The following SETD6 variants were observed in gnomAD, a reference collection of about 807,000 sequenced individuals.
SETD6 encodes the protein SET domain containing 6, protein lysine methyltransferase, also known as N-lysine methyltransferase SETD6.
SETD6 carries 67 observed loss-of-function variants against 52.7 expected under a neutral mutation model. That is an observed-to-expected ratio of 1.27 (90% CI 1.04 to 1.56). The LOEUF is 1.56. Ranked by LOEUF, SETD6 falls within the 40% of genes most tolerant of loss-of-function variation. The pLI is 0.00. For missense variants in SETD6, 712 were observed against 607.5 expected (o/e 1.17, Z -1.81); for synonymous variants, 307 against 250.2 (o/e 1.23, Z -2.14).
At chr16:58,517,905 T>TAACA in intron 5 of SETD6, 146 bp from the exon 6 acceptor site, 1 of 960,092 alleles carries the variant, frequency 1.0e-6, no homozygotes, top group Non-Finnish European at 1.6e-6. Flanking sequence ...GTTTAGGGTC[T>TAACA]AACAGGAACT....
In SETD6 at chr16:58,522,237, C is replaced by CAAAAAAAAAAAA. The variant is rs56149974; in HGVS notation, c.*3227_*3238dup. ...AGGAGGCGACAAAGCGAGACTGTCT[C>CAAAAAAAAAAAA]AAAAAAAAAAAAAAAAAAAAAAAAA... is the stretch of plus-strand genomic sequence containing the variant. On this transcript the variant is annotated 3_prime_UTR_variant, in exon 8 of 8. Transcript: ENST00000219315. Among the ~76,000 whole-genome samples, 4 of 98,592 alleles carry CAAAAAAAAAAAA rather than the reference C, an allele frequency of 4.1e-5. No homozygotes were observed. The highest frequency in any genetic ancestry group is 1.3e-4 in the African/African-American group (3 of 23,636). The allele number at this position is 98,592 out of a possible 152,430, so 64.7% of individuals were successfully genotyped here.
chr16:58,516,310 C>A lies in SETD6; in HGVS notation c.443C>A (p.Pro148His), dbSNP rs1257302692. Reference protein sequence around the residue: ...SRWRPYFALWPELGRLEHPMF... With the variant: ...SRWRPYFALWHELGRLEHPMF... ...TGGAGGCCCTACTTTGCGCTCTGGC[C>A]CGAGCTGGGCCGCTTGGAGCACCCG... The change falls in exon 3 of 8, where the codon CCC becomes CAC. Residue 148 changes from proline (P) to histidine (H), a missense_variant. Coordinates refer to ENST00000219315, the MANE Select transcript of SETD6 (RefSeq NM_001160305.4). 1 of 1,606,896 alleles carries A rather than the reference C, an allele frequency of 6.2e-7. No individual in the cohort carries two copies. The highest frequency in any genetic ancestry group is 1.7e-5 in the Admixed American group (1 of 59,990).
At position 58,519,367 on chromosome 16, in the gene SETD6, TTAAATC is replaced by T. The variant is rs2039282080; in HGVS notation, c.*342_*347del. The T allele has an allele frequency of 4.4e-6, 1 of 226,988 alleles. No individual in the cohort carries two copies. Among genetic ancestry groups the T allele is most frequent in the Non-Finnish European group, 8.8e-6 (1 of 114,172 alleles). 14.1% of individuals were successfully genotyped at this position (226,988 alleles called of 1,614,324 possible). A position where few individuals can be genotyped will look rare whatever the true frequency, so the allele number is the denominator to read the frequency against. ...TAGACTTTGGAGGTAGACCCCTGGT[TTAAATC>T]TAAGTCTAGTTTGAGGAAGTCACTT... On this transcript the variant is annotated 3_prime_UTR_variant, in exon 8 of 8. Coordinates refer to ENST00000219315, the MANE Select transcript of SETD6 (RefSeq NM_001160305.4).
Position 58,519,025 on chromosome 16 carries a change from G to A in SETD6, c.1418G>A (p.Ser473Asn). ...TTACATCAGTTGTTGGAGCTGACAA[G>A]TTAGCAGTTTCCCTGTTCCCTGAAG... ...MILHQLLELT[S>N] Residue 473 changes from serine (S) to asparagine (N), a missense_variant, in exon 8 of 8, where the codon AGT becomes AAT. By Grantham distance (46) the Ser-to-Asn change is conservative. Transcript: ENST00000219315. 6.2e-7 allele frequency: 1 copy of A among 1,607,284 alleles called. No homozygotes were observed. Among genetic ancestry groups the A allele is most frequent in the Non-Finnish European group, 8.5e-7 (1 of 1,175,894 alleles).
chr16:58,520,934 C>G lies in SETD6; in HGVS notation c.*1905C>G, dbSNP rs780113516. The stretch of plus-strand genomic sequence containing the variant: ...GTGCAGTGAGACCTCTAGACTGACA[C>G]GTACAACAGAGATGCAGTTTCGTCT... On this transcript the variant is annotated 3_prime_UTR_variant, in exon 8 of 8. Transcript: ENST00000219315. The G allele has an allele frequency of 1.1e-5, 18 of 1,608,826 alleles. No individual in the cohort carries two copies. Among genetic ancestry groups the G allele is most frequent in the South Asian group, 7.7e-5 (7 of 91,048 alleles).
In SETD6 at chr16:58,519,318, T is replaced by G. The variant is rs867063665; in HGVS notation, c.*289T>G. Reference sequence around the variant, plus strand: ...GACATACGGTAGTAATAAGTAAGTCTTGTTGTGTTTCAGCATTTAATAATA... The same window carrying G: ...GACATACGGTAGTAATAAGTAAGTCGTGTTGTGTTTCAGCATTTAATAATA... On this transcript the variant is annotated 3_prime_UTR_variant, in exon 8 of 8. Coordinates refer to ENST00000219315, the MANE Select transcript of SETD6 (RefSeq NM_001160305.4). The G allele has an allele frequency of 6.3e-6, 2 of 318,966 alleles. No homozygotes were observed. The highest frequency in any genetic ancestry group is 4.2e-5 in the African/African-American group (2 of 47,096). 19.8% of individuals were successfully genotyped at this position (318,966 alleles called of 1,614,324 possible). A position where few individuals can be genotyped will look rare whatever the true frequency, so the allele number is the denominator to read the frequency against.
rs780870906 is a variant in SETD6 at position 58,518,244 on chromosome 16, T to TTAAC, written c.973+15_973+18dup. ...GCAGCATTACAGGGTGAGTGTATCA[T>TTAAC]TAACTCAATATTTGACACTGATGGT... On this transcript the variant is annotated intron_variant, in intron 6 of 7. Transcript: ENST00000219315. The TTAAC allele has an allele frequency of 5.6e-6, 9 of 1,614,140 alleles. No individual in the cohort carries two copies. In the African/African-American group the frequency reaches 1.2e-4, roughly 22 times the overall value.
At chr16:58,517,975 C>T (rs764401249) in intron 5 of SETD6, 76 bp from the exon 6 acceptor site, 1 of 1,581,722 alleles carries the variant, frequency 6.3e-7, no homozygotes, top group Admixed American at 1.7e-5. Context: ...CTGCTGAAGG[C>T]TCTTCTTAAG....
In SETD6 at chr16:58,520,811, G is replaced by T; in HGVS notation, c.*1782G>T. ...TGGAACGTGCCCACATAAGACAGGA[G>T]GCTGATCCCAACAGTAGTTGGGGCA... On this transcript the variant is annotated 3_prime_UTR_variant, in exon 8 of 8. Transcript: ENST00000219315. 1 of 787,690 alleles carries T rather than the reference G, an allele frequency of 1.3e-6. No homozygotes were observed. The highest frequency in any genetic ancestry group is 2.6e-5 in the East Asian group (1 of 38,778). The allele number at this position is 787,690 out of a possible 1,614,324, so 48.8% of individuals were successfully genotyped here. A position where few individuals can be genotyped will look rare whatever the true frequency, so the allele number is the denominator to read the frequency against.
chr16:58,516,687 C>T lies in SETD6; in HGVS notation c.671+15C>T, dbSNP rs532059628. On this transcript the variant is annotated intron_variant, in intron 4 of 7. Coordinates refer to ENST00000219315, the MANE Select transcript of SETD6 (RefSeq NM_001160305.4). ...ATGGCCTATAGGTCAGTGGGTGGGG[C>T]CTCTGAGGACGGAACCCTTTTCTTT... 1.9e-6 allele frequency: 3 copies of T among 1,610,736 alleles called. No individual in the cohort carries two copies. Among genetic ancestry groups the T allele is most frequent in the East Asian group, 4.5e-5 (2 of 44,824 alleles).
chr16:58,516,723 AGAG>A, intron 4 of SETD6, 51 bp downstream of exon 4: 7 of 1,610,024 alleles, frequency 4.3e-6, no homozygotes, highest in Non-Finnish European at 5.9e-6. Context: ...ACAACTCTAT[AGAG>A]GGACAAAAGT....
chr16:58,518,288 C>T, intron 6 of SETD6, 57 bp downstream of exon 6: 1 of 1,607,410 alleles, frequency 6.2e-7, no homozygotes, highest in African/African-American at 1.3e-5. Flanking sequence ...ACCCATGCCT[C>T]AGGTTAAATA....
Position 58,518,401 on chromosome 16 carries a change from G to C in SETD6, c.974G>C (p.Gly325Ala), listed in dbSNP as rs1243954901. The change falls in exon 7 of 8, where the codon GGA becomes GCA. Residue 325 changes from glycine to alanine, a missense_variant and splice_region_variant. Coordinates refer to ENST00000219315, the MANE Select transcript of SETD6 (RefSeq NM_001160305.4). ...MVTVREAALQ[G>A]TKTEAERHLV... Reference sequence around the variant, plus strand: ...TTTCACATTGCTGTTTCATCTACAGGAACAAAAACTGAAGCTGAAAGGCAC... The same window carrying C: ...TTTCACATTGCTGTTTCATCTACAGCAACAAAAACTGAAGCTGAAAGGCAC... 6.3e-7 allele frequency: 1 copy of C among 1,580,142 alleles called. No individual in the cohort carries two copies. Among genetic ancestry groups the C allele is most frequent in the Non-Finnish European group, 8.6e-7 (1 of 1,168,978 alleles).
In SETD6 at chr16:58,518,430, G is replaced by C; in HGVS notation, c.1003G>C (p.Val335Leu). The change falls in exon 7 of 8, where the codon GTG becomes CTG. Residue 335 changes from valine (V) to leucine (L), a missense_variant. Val to Leu is a conservative substitution (Grantham distance 32). Coordinates refer to ENST00000219315, the MANE Select transcript of SETD6 (RefSeq NM_001160305.4). ...AAAAACTGAAGCTGAAAGGCACCTA[G>C]TGTACGAGCGCTGGGATTTCCTATG... ...GTKTEAERHL[V>L]YERWDFLCKL... 1 of 1,586,062 alleles carries C rather than the reference G, an allele frequency of 6.3e-7. No individual in the cohort carries two copies. Among genetic ancestry groups the C allele is most frequent in the Non-Finnish European group, 8.5e-7 (1 of 1,172,780 alleles).
rs6499959 is a variant in SETD6 at position 58,517,877 on chromosome 16, A to G, written c.793-174A>G. 5.8e-3 allele frequency: 4,214 copies of G among 732,500 alleles called. 133 individuals are homozygous for G. In the African/African-American group the frequency reaches 0.067, roughly 12 times the overall value. The allele number at this position is 732,500 out of a possible 1,614,324, so 45.4% of individuals were successfully genotyped here. On this transcript the variant is annotated intron_variant, in intron 5 of 7. Transcript: ENST00000219315. ...AAGCTGGCCTTTTAAAGTTAGCCCAACCCTTTTTTGTTTCACAGTTTAGGG... is the reference window on the plus strand; with the variant it reads ...AAGCTGGCCTTTTAAAGTTAGCCCAGCCCTTTTTTGTTTCACAGTTTAGGG...
intron 1 of SETD6, 76 bp from the exon 2 acceptor site, chr16:58,515,715 C>G (rs1309198083): frequency 4.3e-6 from 6 of 1,402,694 alleles, no homozygotes; most frequent in Non-Finnish European, 5.5e-6. Flanking sequence ...CCGTTCTGCG[C>G]TCGCGCCGCG....
rs1210695475 is a variant in SETD6, at chr16:58,523,351, A to ATT, written c.*4322_*4323insTT. ...AGGAGATCCTTTTGAAGCATTTAAA[A>ATT]AATAAGCTGCTCGCTTACCTTGTGA... On this transcript the variant is annotated 3_prime_UTR_variant, in exon 8 of 8. Transcript: ENST00000219315. 1 of 1,562,554 alleles carries ATT rather than the reference A, an allele frequency of 6.4e-7. No individual in the cohort carries two copies. Among genetic ancestry groups the ATT allele is most frequent in the East Asian group, 2.3e-5 (1 of 44,386 alleles).
At position 58,520,139 on chromosome 16, in the gene SETD6, CCATT is replaced by C. The variant is rs2039314380; in HGVS notation, c.*1117_*1120del. ...TCATTATTCAGCTTAGCCTGTATGG[CCATT>C]CATTCAGTGGGGTAATGGGGGAGAA... On this transcript the variant is annotated 3_prime_UTR_variant, in exon 8 of 8. Coordinates refer to ENST00000219315, the MANE Select transcript of SETD6 (RefSeq NM_001160305.4). 1 of 152,080 alleles carries C rather than the reference CCATT, an allele frequency of 6.6e-6. No individual in the cohort carries two copies. Among genetic ancestry groups the C allele is most frequent in the Non-Finnish European group, 1.5e-5 (1 of 68,022 alleles). The allele number at this position is 152,080 out of a possible 1,614,324, so 9.4% of individuals were successfully genotyped here. A position where few individuals can be genotyped will look rare whatever the true frequency, so the allele number is the denominator to read the frequency against.
rs1309246092 is a variant in SETD6, at chr16:58,523,397, G to A, written c.*4368G>A. On this transcript the variant is annotated 3_prime_UTR_variant, in exon 8 of 8. Coordinates refer to ENST00000219315, the MANE Select transcript of SETD6 (RefSeq NM_001160305.4). ...TGTGATCTGTTCTTGGATGGCTTCC[G>A]TATTGGCCTCTGCAAAAAGGTACAG... 3.1e-6 allele frequency: 5 copies of A among 1,613,600 alleles called. No homozygotes were observed. The highest frequency in any genetic ancestry group is 1.1e-5 in the South Asian group (1 of 91,014).
Sources: gnomAD v4.1 joint callset for allele counts (sites outside exome capture counted in the v4.1 genomes callset) on GRCh38, gnomAD v4.1.1 for gene constraint, MANE v1.5 for transcripts, NCBI Gene and HGNC (gene_info 2026-07-23, HGNC 2026-07-21) for gene names.